RAB31: variants seen among roughly 807,000 people sequenced by gnomAD.
RAB31 encodes the protein ras-related protein Rab-31.
In RAB31, 21 loss-of-function variants were observed where a neutral mutation model predicts 25.6. That is an observed-to-expected ratio of 0.82 (90% CI 0.58 to 1.18). The LOEUF (loss-of-function observed/expected upper bound fraction) is 1.18, where lower values mean the gene tolerates loss of function less well. RAB31 is among the 50% of genes most tolerant of loss of function. RAB31 has a pLI of 0.00. For synonymous variants in RAB31, 87 were observed against 84.0 expected (o/e 1.04, Z -0.20); for missense variants, 196 against 250.1 (o/e 0.78, Z 1.46).
chr18:9,738,090 C>T (rs1270223327), intron 1 of RAB31, among the ~76,000 whole-genome samples: 4 of 152,154 alleles, frequency 2.6e-5, no homozygotes, highest in Admixed American at 1.3e-4. Context: ...TGGAAGGCAG[C>T]GGTGCAAGCA....
chr18:9,765,718 CTT>C (rs2068312430), intron 1 of RAB31, among the ~76,000 whole-genome samples: 1 of 152,180 alleles, frequency 6.6e-6, no homozygotes, highest in Non-Finnish European at 1.5e-5. Context: ...CTTCCGATCT[CTT>C]TGACACAAAG....
At chr18:9,806,335 C>G (rs910645313) in intron 3 of RAB31, among the ~76,000 whole-genome samples, 1 of 152,156 alleles carries the variant, frequency 6.6e-6, no homozygotes, top group African/African-American at 2.4e-5. Context: ...AAATATTTGT[C>G]GAGTCCTTGC....
At chr18:9,840,202 C>G (rs767299) in intron 5 of RAB31, among the ~76,000 whole-genome samples, 1 of 152,132 alleles carries the variant, frequency 6.6e-6, no homozygotes, top group Admixed American at 6.5e-5. Flanking sequence ...TTCCTGCAGT[C>G]GTAGTAATTC....
intron 1 of RAB31, among the ~76,000 whole-genome samples, chr18:9,753,268 G>T (rs949421521): frequency 2.6e-5 from 4 of 152,162 alleles, no homozygotes; most frequent in Non-Finnish European, 5.9e-5. Context: ...AGGTAATTGG[G>T]TCATGAGGGC....
intron 1 of RAB31, among the ~76,000 whole-genome samples, chr18:9,742,000 C>G (rs1424413739): frequency 6.6e-6 from 1 of 152,190 alleles, no homozygotes; most frequent in Non-Finnish European, 1.5e-5. Context: ...GCTGTCTGCC[C>G]TTTGTCCTGT....
At chr18:9,767,549 A>G (rs2068322429) in intron 1 of RAB31, among the ~76,000 whole-genome samples, 1 of 152,130 alleles carries the variant, frequency 6.6e-6, no homozygotes, top group Non-Finnish European at 1.5e-5. Context: ...GCCCACTTTG[A>G]TCGAGTCACA....
chr18:9,715,355 C>T (rs1205015502), intron 1 of RAB31, among the ~76,000 whole-genome samples: 1 of 151,926 alleles, frequency 6.6e-6, no homozygotes, highest in African/African-American at 2.4e-5. Context: ...CTTCCATTGA[C>T]ACCCCCTACT....
At chr18:9,800,625 C>T (rs1469970499) in intron 3 of RAB31, among the ~76,000 whole-genome samples, 1 of 152,082 alleles carries the variant, frequency 6.6e-6, no homozygotes, top group Non-Finnish European at 1.5e-5. Context: ...GCTTTCTGTC[C>T]TCATTCTCTG....
chr18:9,742,716 AAGGGAATGAAAT>A (rs1568167310), intron 1 of RAB31, among the ~76,000 whole-genome samples: 1 of 152,178 alleles, frequency 6.6e-6, no homozygotes, highest in African/African-American at 2.4e-5. Flanking sequence ...GTGGGAAGGA[AAGGGAATGAAAT>A]CCTTCTCTTT....
chr18:9,793,392 G>T (rs371474501), intron 3 of RAB31, among the ~76,000 whole-genome samples: 3 of 152,288 alleles, frequency 2.0e-5, no homozygotes, highest in African/African-American at 7.2e-5. Flanking sequence ...GCCGGACGCG[G>T]TGGCTCACGC....
rs143815836 is a variant in RAB31, at chr18:9,723,208, C to T, written c.39+14764C>T. 5.0e-3 allele frequency among the ~76,000 whole-genome samples: 756 copies of T among 152,062 alleles called. 6 individuals are homozygous for T. The highest frequency in any genetic ancestry group is 0.017 in the African/African-American group (716 of 41,454). ...GATTACAGGCGTGTGGCACCATGCC[C>T]GGCTAATTTTTGTGTTTTTAGTGGA... On this transcript the variant is annotated intron_variant, in intron 1 of 6. Coordinates refer to ENST00000578921, the MANE Select transcript of RAB31 (RefSeq NM_006868.4).
intron 1 of RAB31, among the ~76,000 whole-genome samples, chr18:9,739,801 A>G (rs1324760303): frequency 6.6e-6 from 1 of 152,150 alleles, no homozygotes; most frequent in African/African-American, 2.4e-5. Context: ...TCACATGGCC[A>G]CCCCTGACTG....
chr18:9,843,454 A>G (rs1237602548), intron 5 of RAB31, among the ~76,000 whole-genome samples: 2 of 151,362 alleles, frequency 1.3e-5, no homozygotes, highest in African/African-American at 4.9e-5. Context: ...GCTGAGGCAC[A>G]AGAATTGCTT....
At chr18:9,823,007 G>T (rs898778179) in intron 5 of RAB31, among the ~76,000 whole-genome samples, 1 of 152,182 alleles carries the variant, frequency 6.6e-6, no homozygotes, top group African/African-American at 2.4e-5. Context: ...ACTGGGATCA[G>T]CCCAGATGTC....
chr18:9,761,452 GT>G (rs2068288227), intron 1 of RAB31, among the ~76,000 whole-genome samples: 1 of 152,150 alleles, frequency 6.6e-6, no homozygotes, highest in Non-Finnish European at 1.5e-5. Context: ...CATTGCTGTT[GT>G]CCCCAAACCT....
intron 1 of RAB31, among the ~76,000 whole-genome samples, chr18:9,748,225 A>G (rs2068215274): frequency 6.6e-6 from 1 of 152,162 alleles, no homozygotes; most frequent in South Asian, 2.1e-4. Flanking sequence ...GTCTGGGTGC[A>G]GTGGCTCAAG....
chr18:9,833,768 T>C (rs1284283206), intron 5 of RAB31, among the ~76,000 whole-genome samples: 1 of 152,194 alleles, frequency 6.6e-6, no homozygotes, highest in South Asian at 2.1e-4. Context: ...ATAAGCCATA[T>C]CTGATCTATG....
At chr18:9,813,063 A>C (rs1182753229) in intron 3 of RAB31, among the ~76,000 whole-genome samples, 1 of 152,234 alleles carries the variant, frequency 6.6e-6, no homozygotes, top group African/African-American at 2.4e-5. Flanking sequence ...CAAAATATAC[A>C]TAAAATGTAT....
At chr18:9,797,601 C>G (rs573148423) in intron 3 of RAB31, 13 of 152,284 alleles carry the variant, frequency 8.5e-5, no homozygotes, top group African/African-American at 3.1e-4. Flanking sequence ...CAGTCTGGGT[C>G]CTGAGCTTTG....
Sources: allele counts gnomAD v4.1 joint callset (sites outside exome capture counted in the v4.1 genomes callset), GRCh38; gene constraint gnomAD v4.1.1; transcripts MANE v1.5; gene names NCBI Gene and HGNC (gene_info 2026-07-23, HGNC 2026-07-21).